Variants in KYAT3 observed in about 807,000 individuals in gnomAD.
KYAT3 encodes the protein kynurenine aminotransferase 3.
KYAT3 carries 50 observed loss-of-function variants against 59.0 expected under a neutral mutation model. The ratio of observed to expected loss-of-function variants is 0.85; its 90% CI spans 0.68 to 1.07. KYAT3 has a LOEUF of 1.07. Among genes scored for constraint, KYAT3 ranks in the 50% least tolerant of loss-of-function variants. The probability of loss-of-function intolerance (pLI) is 0.00; values close to 1 mark genes in which losing one functional copy is unlikely to be tolerated. For synonymous variants in KYAT3, 148 were observed against 177.0 expected (o/e 0.84, Z 1.30); for missense variants, 497 against 533.3 (o/e 0.93, Z 0.67).
intron 10 of KYAT3, among the ~76,000 whole-genome samples, chr1:88,950,535 A>G (rs1051452930): frequency 6.6e-6 from 1 of 151,384 alleles, no homozygotes; most frequent in African/African-American, 2.4e-5. Context: ...TTCATTTACT[A>G]TAGGAGATAC....
Position 88,949,181 on chromosome 1 carries a change from C to T in KYAT3, c.1051G>A (p.Asp351Asn), listed in dbSNP as rs941976804. The T allele has an allele frequency of 1.2e-6, 2 of 1,610,872 alleles. No individual in the cohort carries two copies. The highest frequency in any genetic ancestry group is 3.4e-5 in the Admixed American group (2 of 59,240). The change falls in exon 11 of 14, where the codon GAT (aspartate) becomes AAT (asparagine). Residue 351 changes from aspartate to asparagine, a missense_variant. This residue lies in a region of KYAT3 where 469 missense variants were observed against 479.1 expected (regional missense o/e 0.98). Coordinates refer to ENST00000260508, the MANE Select transcript of KYAT3 (RefSeq NM_001008661.3). ...SLPKELEVKR[D>N]RMVRLLESVG... ...CTTTCAAGTAAACGTACCATCCGAT[C>T]TCTTTTTACTTCTAACTCTTTTGGC...
chr1:88,974,634 A>T (rs1329380437), intron 2 of KYAT3, among the ~76,000 whole-genome samples: 1 of 151,888 alleles, frequency 6.6e-6, no homozygotes, highest in Non-Finnish European at 1.5e-5. Flanking sequence ...TCCTGGGTCG[A>T]GTGGGGACTT....
At chr1:88,986,544 A>C (rs771871819) in intron 2 of KYAT3, among the ~76,000 whole-genome samples, 1 of 151,160 alleles carries the variant, frequency 6.6e-6, no homozygotes, top group African/African-American at 2.4e-5. Flanking sequence ...CACTGGCCTC[A>C]GCCTCCCAAA....
chr1:88,949,648 C>T (rs2101027682), intron 10 of KYAT3, among the ~76,000 whole-genome samples: 1 of 152,334 alleles, frequency 6.6e-6, no homozygotes, highest in African/African-American at 2.4e-5. Context: ...TAGTCAGCCT[C>T]TCACCATTAC....
At chr1:88,944,314 G>GAATTTAATTGAAA (rs1675353171) in intron 11 of KYAT3, among the ~76,000 whole-genome samples, 1 of 152,126 alleles carries the variant, frequency 6.6e-6, no homozygotes, top group Non-Finnish European at 1.5e-5. Context: ...AATACTAGTG[G>GAATTTAATTGAAA]TTCTTTTCAA....
At chr1:88,983,663 G>A (rs1677242634) in intron 2 of KYAT3, 1 of 1,613,804 alleles carries the variant, frequency 6.2e-7, no homozygotes, top group Non-Finnish European at 8.5e-7. Flanking sequence ...GCTTTCAAAG[G>A]TGACAAAAGC....
At chr1:88,988,516 C>T (rs1214990858) in intron 1 of KYAT3, among the ~76,000 whole-genome samples, 165 bp from the exon 2 acceptor site, 1 of 152,158 alleles carries the variant, frequency 6.6e-6, no homozygotes, top group Non-Finnish European at 1.5e-5. Context: ...ATGATATAAT[C>T]TCTCATCACT....
At chr1:88,974,469 CTTTT>C (rs71084932) in intron 2 of KYAT3, among the ~76,000 whole-genome samples, 7 of 69,660 alleles carry the variant, frequency 1.0e-4, no homozygotes, top group Admixed American at 4.1e-4. Context: ...GTGTCTCTCT[CTTTT>C]TTTTTTTTTT....
At chr1:88,974,295 C>T (rs566118593) in intron 2 of KYAT3, among the ~76,000 whole-genome samples, 3 of 152,058 alleles carry the variant, frequency 2.0e-5, no homozygotes, top group Non-Finnish European at 4.4e-5. Flanking sequence ...TGTCTCTTAA[C>T]AAAGTACTGT....
At chr1:88,943,209 A>G (rs1267892921) in intron 12 of KYAT3, 118 bp from the exon 13 acceptor site, 5 of 1,067,692 alleles carry the variant, frequency 4.7e-6, no homozygotes, top group Non-Finnish European at 5.6e-6. Context: ...AATTTCCAAA[A>G]AGAAAAATGC....
downstream of KYAT3, among the ~76,000 whole-genome samples, chr1:88,934,043 C>T (rs1053587239): frequency 1.3e-5 from 2 of 152,118 alleles, no homozygotes; most frequent in African/African-American, 4.8e-5. Flanking sequence ...GGTTTGGTAG[C>T]TTGTTTTTTC....
chr1:88,969,471 A>G lies in KYAT3; in HGVS notation c.100-4T>C, dbSNP rs777972351. 2.0e-6 allele frequency: 3 copies of G among 1,531,064 alleles called. No homozygotes were observed. Among genetic ancestry groups the G allele is most frequent in the South Asian group, 2.3e-5 (2 of 87,890 alleles). The allele number at this position is 1,531,064 out of a possible 1,614,324, so 94.8% of individuals were successfully genotyped here. A position where few individuals can be genotyped will look rare whatever the true frequency, so the allele number is the denominator to read the frequency against. ...TTGTGAATTTCAGTGACATTTTCTG[A>G]AATATATAAATATTGAAAAGGAATT... On this transcript the variant is annotated splice_region_variant and splice_polypyrimidine_tract_variant and intron_variant, in intron 2 of 13. Coordinates refer to ENST00000260508, the MANE Select transcript of KYAT3 (RefSeq NM_001008661.3).
intron 2 of KYAT3, chr1:88,982,539 A>T: frequency 7.1e-7 from 1 of 1,409,064 alleles, no homozygotes; most frequent in East Asian, 2.4e-5. Context: ...AGGGAATTTA[A>T]AAAAGGTAAC....
At chr1:88,926,350 C>A in the KYAT3 span, among the ~76,000 whole-genome samples, 1 of 152,198 alleles carries the variant, frequency 6.6e-6, no homozygotes, top group South Asian at 2.1e-4. Context: ...CTCGCTCTGT[C>A]ACCCAGGCTG....
chr1:88,931,880 CAAAA>C (rs57089214), downstream of KYAT3, among the ~76,000 whole-genome samples: 2 of 30,976 alleles, frequency 6.5e-5, no homozygotes, highest in Non-Finnish European at 1.2e-4. Flanking sequence ...CCTGCAACTG[CAAAA>C]AAAAAAAAAA....
At chr1:88,972,883 G>C (rs1438908517) in intron 2 of KYAT3, among the ~76,000 whole-genome samples, 4 of 152,194 alleles carry the variant, frequency 2.6e-5, no homozygotes, top group Non-Finnish European at 4.4e-5. Flanking sequence ...GAAGTCTGGA[G>C]GTATAATGAG....
chr1:88,921,739 GC>G, the KYAT3 span, among the ~76,000 whole-genome samples: 1 of 152,176 alleles, frequency 6.6e-6, no homozygotes, highest in Non-Finnish European at 1.5e-5. Context: ...TCTAAAATCT[GC>G]AGAGTGGGCT....
intron 2 of KYAT3, among the ~76,000 whole-genome samples, chr1:88,976,896 T>C (rs1454405877): frequency 6.6e-6 from 1 of 152,230 alleles, no homozygotes; most frequent in African/African-American, 2.4e-5. Context: ...AAATATTTTG[T>C]ATAGTTTGTG....
chr1:88,951,617 C>T (rs530186659), intron 10 of KYAT3, among the ~76,000 whole-genome samples: 1 of 151,010 alleles, frequency 6.6e-6, no homozygotes, highest in South Asian at 2.1e-4. Context: ...TAACTAAATC[C>T]CTATTTCCAT....
Sources: gnomAD v4.1 joint callset for allele counts (sites outside exome capture counted in the v4.1 genomes callset) on GRCh38, gnomAD v4.1.1 for gene constraint, gnomAD v4.1.1 regional missense constraint, MANE v1.5 for transcripts, NCBI Gene and HGNC (gene_info 2026-07-23, HGNC 2026-07-21) for gene names.